Variants in FAT3 observed in about 807,000 individuals in gnomAD.
The protein encoded by FAT3 is FAT atypical cadherin 3.
FAT3 carries 95 observed loss-of-function variants against 310.2 expected under a neutral mutation model. The ratio of observed to expected loss-of-function variants is 0.31; its 90% confidence interval spans 0.26 to 0.36. The LOEUF is 0.36. Among genes scored for constraint, FAT3 ranks in the 10% least tolerant of loss-of-function variants. The probability of loss-of-function intolerance (pLI) is 1.00; values close to 1 mark genes in which losing one functional copy is unlikely to be tolerated. For synonymous variants in FAT3, 2,314 were observed against 2,192.9 expected (o/e 1.06, Z -1.54); for missense variants, 5,408 against 5,715.6 (o/e 0.95, Z 1.74).
chr11:92,418,356 T>A (rs967666835), intron 2 of FAT3, among the ~76,000 whole-genome samples: 2 of 150,512 alleles, frequency 1.3e-5, no homozygotes, highest in African/African-American at 2.4e-5. Flanking sequence ...AAAAATACTT[T>A]AAAAAATTAT....
chr11:92,224,897 C>T lies in FAT3; in HGVS notation c.-295C>T, dbSNP rs1863836793. 1.3e-5 allele frequency among the ~76,000 whole-genome samples: 2 copies of T among 152,062 alleles called. No individual in the cohort carries two copies. Among genetic ancestry groups the T allele is most frequent in the African/African-American group, 4.8e-5 (2 of 41,422 alleles). On this transcript the variant is annotated 5_prime_UTR_variant, in exon 1 of 28. Coordinates refer to ENST00000525166, the MANE Select transcript of FAT3 (RefSeq NM_001367949.2). ...GCAGGCTGCGCTGTGAACTGGCCTG[C>T]GGATTGGGATCTCGCGCCTCCCGTC...
At chr11:92,548,980 A>G (rs548482851) in intron 3 of FAT3, among the ~76,000 whole-genome samples, 1 of 152,340 alleles carries the variant, frequency 6.6e-6, no homozygotes, top group African/African-American at 2.4e-5. Context: ...CTTATTTAGT[A>G]TATTAAGTCA....
At chr11:92,332,528 A>G (rs1947947402) in intron 1 of FAT3, among the ~76,000 whole-genome samples, 1 of 152,140 alleles carries the variant, frequency 6.6e-6, no homozygotes, top group Non-Finnish European at 1.5e-5. Flanking sequence ...GCTTGAAGAC[A>G]TGGTTTTTGG....
intron 9 of FAT3, 91 bp downstream of exon 9, chr11:92,793,068 A>G: frequency 7.5e-7 from 1 of 1,327,674 alleles, no homozygotes; most frequent in Non-Finnish European, 1.0e-6. Flanking sequence ...CAGATCATTA[A>G]CAGTGGAACA....
intron 22 of FAT3, among the ~76,000 whole-genome samples, chr11:92,871,852 A>G (rs1168582944): frequency 6.6e-6 from 1 of 152,220 alleles, no homozygotes; most frequent in Non-Finnish European, 1.5e-5. Context: ...AACCACTGAC[A>G]TTTGGGAATC....
chr11:92,875,886 G>A (rs1021980988), intron 22 of FAT3, among the ~76,000 whole-genome samples: 3 of 152,206 alleles, frequency 2.0e-5, no homozygotes, highest in Admixed American at 1.3e-4. Context: ...TTGTGCTCTA[G>A]AGGTAGTGTC....
chr11:92,316,234 T>TA (rs1947458202), intron 1 of FAT3, among the ~76,000 whole-genome samples: 1 of 151,902 alleles, frequency 6.6e-6, no homozygotes, highest in Non-Finnish European at 1.5e-5. Context: ...TTTGGAAGTG[T>TA]AAAAAAGACA....
At chr11:92,879,736 A>G (rs1282571033) in intron 22 of FAT3, among the ~76,000 whole-genome samples, 1 of 152,170 alleles carries the variant, frequency 6.6e-6, no homozygotes. Context: ...AAAAAAAAGC[A>G]TAGTGGAAAG....
intron 21 of FAT3, among the ~76,000 whole-genome samples, chr11:92,860,558 C>T (rs1025081801): frequency 2.0e-5 from 3 of 152,142 alleles, no homozygotes; most frequent in Admixed American, 1.3e-4. Flanking sequence ...TCTTCAGAAA[C>T]ATTCAGAGTC....
At chr11:92,858,644 A>G (rs917148198) in intron 20 of FAT3, among the ~76,000 whole-genome samples, 1 of 152,224 alleles carries the variant, frequency 6.6e-6, no homozygotes, top group Non-Finnish European at 1.5e-5. Flanking sequence ...GTGTGACTAC[A>G]TGAATTTCCT....
At chr11:92,541,033 T>C (rs1275678824) in intron 3 of FAT3, among the ~76,000 whole-genome samples, 1 of 152,208 alleles carries the variant, frequency 6.6e-6, no homozygotes, top group African/African-American at 2.4e-5. Context: ...TTGGCAATTA[T>C]GTTACAAGAA....
At position 92,831,864 on chromosome 11, in the gene FAT3, C is replaced by T; in HGVS notation, c.9724C>T (p.Leu3242=). The change falls in exon 14 of 28, where the codon CTG becomes TTG. Residue 3242 remains leucine, a synonymous_variant. Transcript: ENST00000525166. ...CCCTGTGTTTGAGAGGAGGGACTAC[C>T]TGGTGACGGTGCCTGAGGACACCTC... ...NPPVFERRDY[L]VTVPEDTSPG... 3.7e-6 allele frequency: 6 copies of T among 1,613,622 alleles called. No individual in the cohort carries two copies. The highest frequency in any genetic ancestry group is 5.1e-6 in the Non-Finnish European group (6 of 1,179,780).
At chr11:92,424,726 A>G (rs918214661) in intron 2 of FAT3, among the ~76,000 whole-genome samples, 2 of 152,302 alleles carry the variant, frequency 1.3e-5, no homozygotes, top group Admixed American at 1.3e-4. Context: ...TTTTATTGAC[A>G]TGATATTCAA....
chr11:92,387,063 A>AGTGTGTGTGTGTGTGTGT (rs67529435), intron 2 of FAT3, among the ~76,000 whole-genome samples: 1 of 144,158 alleles, frequency 6.9e-6, no homozygotes, highest in East Asian at 2.1e-4. Context: ...TATGGGAGCT[A>AGTGTGTGTGTGTGTGTGT]GTGTGTGTGT....
rs2136448627 is a variant in FAT3, at chr11:92,890,932, C to A, written c.13589C>A (p.Pro4530Gln). ...AACCAGGGCACAGAGCCCACAGGCCCAGCAGACAGCGTGTCTCTGTCCTTG... is the reference window on the plus strand; with the variant it reads ...AACCAGGGCACAGAGCCCACAGGCCAAGCAGACAGCGTGTCTCTGTCCTTG... ...SMNQGTEPTGPADSVSLSLHN... is the reference protein window; with the variant it reads ...SMNQGTEPTGQADSVSLSLHN... Residue 4530 changes from proline to glutamine, a missense_variant, in exon 28 of 28, where the codon CCA becomes CAA. Physicochemically the swap from Pro to Gln is moderately conservative, Grantham distance 76. This residue lies in a region of FAT3 where 649 missense variants were observed against 666.2 expected (regional missense o/e 0.97). Coordinates refer to ENST00000525166, the MANE Select transcript of FAT3 (RefSeq NM_001367949.2). The A allele has an allele frequency of 6.2e-7, 1 of 1,614,024 alleles. No individual in the cohort carries two copies. Among genetic ancestry groups the A allele is most frequent in the Non-Finnish European group, 8.5e-7 (1 of 1,179,890 alleles).
chr11:92,299,318 A>G (rs1356884415), intron 1 of FAT3, among the ~76,000 whole-genome samples: 30 of 152,240 alleles, frequency 2.0e-4, no homozygotes. Context: ...CAGGAAATTC[A>G]CATTATCATC....
At chr11:92,884,387 A>G (rs571988722) in intron 24 of FAT3, among the ~76,000 whole-genome samples, 2 of 152,346 alleles carry the variant, frequency 1.3e-5, no homozygotes, top group East Asian at 1.9e-4. Flanking sequence ...CTCTGTGAAC[A>G]TCTCTGTGAG....
At chr11:92,699,417 T>G (rs1253248819) in intron 4 of FAT3, among the ~76,000 whole-genome samples, 2 of 152,214 alleles carry the variant, frequency 1.3e-5, no homozygotes, top group African/African-American at 4.8e-5. Flanking sequence ...AGTACACTGA[T>G]TTGACCTTTA....
At chr11:92,652,656 C>T (rs887586522) in intron 3 of FAT3, among the ~76,000 whole-genome samples, 4 of 152,154 alleles carry the variant, frequency 2.6e-5, no homozygotes, top group East Asian at 3.9e-4. Flanking sequence ...CCTCAGAAAC[C>T]GGCGAATGGG....
Sources: allele counts gnomAD v4.1 joint callset (sites outside exome capture counted in the v4.1 genomes callset), GRCh38; gene constraint gnomAD v4.1.1; regional missense constraint gnomAD v4.1.1; transcripts MANE v1.5; gene names NCBI Gene and HGNC (gene_info 2026-07-23, HGNC 2026-07-21).